The following FARS2 variants were observed in gnomAD, a reference collection of about 807,000 sequenced individuals.
FARS2 encodes phenylalanine--tRNA ligase, mitochondrial.
Under a neutral mutation model 46.4 loss-of-function variants are expected in FARS2, and 40 were observed. The ratio of observed to expected loss-of-function variants is 0.86; its 90% CI spans 0.67 to 1.12. The LOEUF is 1.12. Among genes scored for constraint, FARS2 ranks in the 50% most tolerant of loss-of-function variants. The probability of loss-of-function intolerance (pLI) is 0.00; values close to 1 mark genes in which losing one functional copy is unlikely to be tolerated. For missense variants in FARS2, 513 were observed against 567.9 expected (o/e 0.90, Z 0.98); for synonymous variants, 234 against 214.9 (o/e 1.09, Z -0.78).
intron 5 of FARS2, among the ~76,000 whole-genome samples, chr6:5,556,229 C>T (rs952291643): frequency 2.6e-5 from 4 of 152,136 alleles, no homozygotes; most frequent in Admixed American, 2.6e-4. Context: ...ATAGAACTGG[C>T]TGTGCCTACC....
intron 1 of FARS2, among the ~76,000 whole-genome samples, chr6:5,276,972 G>A (rs772968792): frequency 9.2e-5 from 14 of 152,192 alleles, no homozygotes; most frequent in Non-Finnish European, 1.9e-4. Context: ...TGCAGGCTCA[G>A]TATCTCCTGA....
intron 4 of FARS2, among the ~76,000 whole-genome samples, chr6:5,518,259 G>GT (rs35595822): frequency 0.13 from 19,478 of 152,184 alleles, 1,337 homozygotes; most frequent in East Asian, 0.22. Context: ...GTAGTCAAAC[G>GT]TGACTCTTGG....
chr6:5,403,682 A>G (rs1022565799), intron 2 of FARS2, among the ~76,000 whole-genome samples: 1 of 152,112 alleles, frequency 6.6e-6, no homozygotes, highest in Non-Finnish European at 1.5e-5. Flanking sequence ...ATTACTAGAA[A>G]TGGCAGCTGA....
chr6:5,532,144 A>G (rs1157258863), intron 4 of FARS2, among the ~76,000 whole-genome samples: 2 of 152,214 alleles, frequency 1.3e-5, no homozygotes, highest in Non-Finnish European at 2.9e-5. Flanking sequence ...TGGAATAATT[A>G]TAGTCAACCA....
intron 4 of FARS2, among the ~76,000 whole-genome samples, chr6:5,434,148 T>G (rs572839601): frequency 1.7e-4 from 26 of 152,284 alleles, no homozygotes; most frequent in African/African-American, 5.5e-4. Context: ...CTCGCTCTGT[T>G]GCCCAGGCTG....
chr6:5,624,477 T>C (rs1262388937), intron 6 of FARS2, among the ~76,000 whole-genome samples: 2 of 152,218 alleles, frequency 1.3e-5, no homozygotes, highest in East Asian at 3.9e-4. Flanking sequence ...GACTGCTTGC[T>C]CAACAGCAGC....
intron 6 of FARS2, among the ~76,000 whole-genome samples, chr6:5,673,204 C>T (rs1298746329): frequency 1.3e-5 from 2 of 152,192 alleles, no homozygotes; most frequent in Non-Finnish European, 2.9e-5. Flanking sequence ...CTACTTCCCA[C>T]GTTGATTATA....
intron 5 of FARS2, among the ~76,000 whole-genome samples, chr6:5,557,149 G>A (rs1237968988): frequency 6.6e-6 from 1 of 152,122 alleles, no homozygotes; most frequent in African/African-American, 2.4e-5. Flanking sequence ...ACAAGTTAAT[G>A]TCTTTTTTTT....
At chr6:5,610,721 G>A (rs1443834880) in intron 5 of FARS2, among the ~76,000 whole-genome samples, 2 of 152,164 alleles carry the variant, frequency 1.3e-5, no homozygotes, top group African/African-American at 4.8e-5. Flanking sequence ...AAGAAAACAT[G>A]AATAATATTG....
intron 6 of FARS2, among the ~76,000 whole-genome samples, chr6:5,762,654 C>T (rs907028591): frequency 6.6e-6 from 1 of 152,212 alleles, no homozygotes; most frequent in African/African-American, 2.4e-5. Flanking sequence ...CTTACGTTGC[C>T]GACGTGTGCT....
intron 6 of FARS2, among the ~76,000 whole-genome samples, chr6:5,673,837 A>G (rs1349260739): frequency 5.3e-5 from 8 of 152,206 alleles, no homozygotes. Flanking sequence ...GACTTAACAT[A>G]TGAATATACA....
intron 5 of FARS2, among the ~76,000 whole-genome samples, chr6:5,548,033 G>A (rs566471036): frequency 1.3e-5 from 2 of 152,180 alleles, no homozygotes; most frequent in African/African-American, 2.4e-5. Context: ...GAATCATGGC[G>A]GTGGGCGAAA....
intron 6 of FARS2, among the ~76,000 whole-genome samples, chr6:5,623,452 G>T (rs1159741647): frequency 1.3e-5 from 2 of 152,228 alleles, no homozygotes; most frequent in South Asian, 2.1e-4. Context: ...GGTGGCTCAT[G>T]TGTGTAATCC....
intron 4 of FARS2, among the ~76,000 whole-genome samples, chr6:5,480,249 G>A (rs1249476698): frequency 6.6e-6 from 1 of 152,178 alleles, no homozygotes; most frequent in African/African-American, 2.4e-5. Context: ...AAATAGTAAA[G>A]TTAAATATGA....
intron 5 of FARS2, among the ~76,000 whole-genome samples, chr6:5,584,555 C>T (rs1024583536): frequency 2.0e-5 from 3 of 152,106 alleles, no homozygotes; most frequent in African/African-American, 7.2e-5. Flanking sequence ...TCTTCCCTCT[C>T]TCCTTCCCGT....
At chr6:5,766,041 A>T (rs540815796) in intron 6 of FARS2, among the ~76,000 whole-genome samples, 17 of 152,314 alleles carry the variant, frequency 1.1e-4, no homozygotes, top group South Asian at 2.1e-4. Context: ...CACCAAAAAA[A>T]TTTTTTTAGA....
intron 4 of FARS2, among the ~76,000 whole-genome samples, chr6:5,443,332 T>G (rs1008791838): frequency 6.6e-6 from 1 of 152,190 alleles, no homozygotes; most frequent in Admixed American, 6.5e-5. Flanking sequence ...GTTCCTTCTT[T>G]TATCAGACTG....
chr6:5,554,720 A>G (rs1399603414), intron 5 of FARS2, among the ~76,000 whole-genome samples: 1 of 152,208 alleles, frequency 6.6e-6, no homozygotes, highest in African/African-American at 2.4e-5. Flanking sequence ...CTATAAATCC[A>G]TATTATAGAT....
chr6:5,299,796 G>A (rs933431312), intron 1 of FARS2, among the ~76,000 whole-genome samples: 1 of 145,692 alleles, frequency 6.9e-6, no homozygotes, highest in African/African-American at 2.5e-5. Context: ...TTGGTTTTCT[G>A]TCCTTGTGAT....
Sources: allele counts gnomAD v4.1 joint callset (sites outside exome capture counted in the v4.1 genomes callset), GRCh38; gene constraint gnomAD v4.1.1; transcripts MANE v1.5; gene names NCBI Gene and HGNC (gene_info 2026-07-23, HGNC 2026-07-21).